Variants in PRTG observed in about 807,000 individuals in gnomAD.
PRTG encodes immunoglobulin superfamily, DCC subclass, member 5.
A neutral mutation model predicts 122.5 loss-of-function variants in PRTG; 67 were observed. The observed-to-expected ratio is 0.55, with a 90% confidence interval of 0.45 to 0.67. The LOEUF (loss-of-function observed/expected upper bound fraction) is 0.67, where lower values mean the gene tolerates loss of function less well. Ranked by LOEUF, PRTG falls within the 30% of genes least tolerant of loss-of-function variation. The pLI, the probability that PRTG is intolerant of heterozygous loss-of-function variation, is 0.00. For missense variants in PRTG, 1,435 were observed against 1,415.4 expected (o/e 1.01, Z -0.22); for synonymous variants, 554 against 501.1 (o/e 1.11, Z -1.41).
intron 11 of PRTG, among the ~76,000 whole-genome samples, chr15:55,656,645 C>T (rs2059381843): frequency 6.6e-6 from 1 of 152,138 alleles, no homozygotes; most frequent in Non-Finnish European, 1.5e-5. Context: ...GTAGCTGGGA[C>T]TACAGGCTCC....
In PRTG at chr15:55,715,009, A is replaced by T. The variant is rs113741217; in HGVS notation, c.397+25373T>A. The stretch of plus-strand genomic sequence containing the variant: ...ACTGAATACAATCAGAAAATATAAT[A>T]AATTACTTCTTTATTCAAACAAAAA... On this transcript the variant is annotated intron_variant, in intron 2 of 19. Transcript: ENST00000389286. Among the ~76,000 whole-genome samples, 476 of 152,310 alleles carry T rather than the reference A, an allele frequency of 3.1e-3. 4 individuals are homozygous for T. The highest frequency in any genetic ancestry group is 0.011 in the African/African-American group (460 of 41,578).
chr15:55,737,976 TTCTCTCTCTC>T (rs376933626), intron 2 of PRTG, among the ~76,000 whole-genome samples: 2 of 91,810 alleles, frequency 2.2e-5, no homozygotes, highest in Non-Finnish European at 2.0e-5. Flanking sequence ...TTAATGCCTA[TTCTCTCTCTC>T]TCTCTCTCTC....
intron 2 of PRTG, among the ~76,000 whole-genome samples, chr15:55,697,770 G>A (rs557476195): frequency 7.2e-5 from 11 of 152,296 alleles, no homozygotes; most frequent in Non-Finnish European, 1.2e-4. Flanking sequence ...GATTACAGGC[G>A]TGAGCCACCG....
chr15:55,652,484 G>T (rs1169265978), intron 11 of PRTG, among the ~76,000 whole-genome samples: 1 of 152,086 alleles, frequency 6.6e-6, no homozygotes, highest in Non-Finnish European at 1.5e-5. Flanking sequence ...GAGCTCCTTG[G>T]TCTGGCTAGC....
intron 17 of PRTG, among the ~76,000 whole-genome samples, chr15:55,625,454 TC>T (rs1255128282): frequency 4.0e-5 from 6 of 151,860 alleles, no homozygotes; most frequent in African/African-American, 1.5e-4. Context: ...AATTGTGTTT[TC>T]TTTTTTTTTT....
chr15:55,683,830 T>C lies in PRTG; in HGVS notation c.499A>G (p.Thr167Ala). ...KISSHPPAVITWEFNRTTLPM... is the reference protein window; with the variant it reads ...KISSHPPAVIAWEFNRTTLPM... The stretch of plus-strand genomic sequence containing the variant: ...AGAGTTGTCCGATTGAACTCCCATG[T>C]TATGACTGCAGGAGGGTGGGATGAA... Residue 167 changes from threonine (T) to alanine (A), a missense_variant, in exon 3 of 20, where the codon ACA becomes GCA. Transcript: ENST00000389286. 1.2e-6 allele frequency: 2 copies of C among 1,614,006 alleles called. No homozygotes were observed. Among genetic ancestry groups the C allele is most frequent in the Non-Finnish European group, 1.7e-6 (2 of 1,179,914 alleles).
chr15:55,631,716 T>C (rs2059228522), intron 15 of PRTG, among the ~76,000 whole-genome samples: 1 of 152,198 alleles, frequency 6.6e-6, no homozygotes, highest in African/African-American at 2.4e-5. Context: ...GCTGGTCAAA[T>C]CTCGTCATGT....
chr15:55,642,507 C>T (rs1169840958), intron 11 of PRTG, among the ~76,000 whole-genome samples: 2 of 148,486 alleles, frequency 1.3e-5, no homozygotes, highest in East Asian at 4.0e-4. Flanking sequence ...ATCCCAGCTA[C>T]TTGAGGAGAC....
intron 11 of PRTG, among the ~76,000 whole-genome samples, chr15:55,645,558 G>C (rs1348010936): frequency 6.6e-6 from 1 of 150,550 alleles, no homozygotes; most frequent in Non-Finnish European, 1.5e-5. Context: ...AGAATTAACA[G>C]AACTAAGGAT....
chr15:55,644,292 G>A (rs1567080977), intron 11 of PRTG, among the ~76,000 whole-genome samples: 1 of 152,056 alleles, frequency 6.6e-6, no homozygotes, highest in Non-Finnish European at 1.5e-5. Flanking sequence ...CTCCACAGGG[G>A]GCCAGATATG....
chr15:55,740,220 A>AT (rs1296651180), intron 2 of PRTG, among the ~76,000 whole-genome samples, 162 bp downstream of exon 2: 2 of 152,052 alleles, frequency 1.3e-5, no homozygotes, highest in Non-Finnish European at 2.9e-5. Flanking sequence ...TTATATACGT[A>AT]TTTTTTTCAG....
chr15:55,730,022 G>A (rs2031173499), intron 2 of PRTG, among the ~76,000 whole-genome samples: 1 of 152,206 alleles, frequency 6.6e-6, no homozygotes, highest in Non-Finnish European at 1.5e-5. Context: ...CCTTACACAA[G>A]TATAGTAGTA....
rs1409706639 is a variant in PRTG at position 55,613,540 on chromosome 15, T to C, written c.*6472A>G. On this transcript the variant is annotated 3_prime_UTR_variant, in exon 20 of 20. Transcript: ENST00000389286. ...TTTAGCTGAGATAAATGGAAGGTTT[T>C]GGAGGAGAGAAATTAGGAGATGATA... 6.6e-6 allele frequency: 1 copy of C among 152,044 alleles called. No homozygotes were observed. Among genetic ancestry groups the C allele is most frequent in the Non-Finnish European group, 1.5e-5 (1 of 67,958 alleles). The allele number at this position is 152,044 out of a possible 1,614,324, so 9.4% of individuals were successfully genotyped here.
intron 11 of PRTG, among the ~76,000 whole-genome samples, chr15:55,651,267 A>G (rs1267914659): frequency 6.6e-6 from 1 of 152,106 alleles, no homozygotes; most frequent in Admixed American, 6.5e-5. Context: ...CCCTGAATAA[A>G]TGGGAGATAT....
chr15:55,723,309 G>A (rs1330267592), intron 2 of PRTG, among the ~76,000 whole-genome samples: 1 of 150,728 alleles, frequency 6.6e-6, no homozygotes, highest in African/African-American at 2.4e-5. Flanking sequence ...AATTAATGGA[G>A]ACTGTAAGAT....
intron 2 of PRTG, among the ~76,000 whole-genome samples, chr15:55,715,509 G>A (rs1257237457): frequency 6.6e-6 from 1 of 152,204 alleles, no homozygotes; most frequent in Non-Finnish European, 1.5e-5. Context: ...TGAAGCATTT[G>A]CAAAAGTGAC....
At chr15:55,733,608 C>T (rs1347854650) in intron 2 of PRTG, among the ~76,000 whole-genome samples, 2 of 151,600 alleles carry the variant, frequency 1.3e-5, no homozygotes, top group Non-Finnish European at 2.9e-5. Context: ...GGGAGGAATG[C>T]TTGAGCCCAG....
At chr15:55,664,536 A>ATATAG (rs2059427754) in intron 11 of PRTG, among the ~76,000 whole-genome samples, 1 of 152,240 alleles carries the variant, frequency 6.6e-6, no homozygotes, top group African/African-American at 2.4e-5. Flanking sequence ...AAGTAGCTTT[A>ATATAG]TATAGTCATA....
chr15:55,700,200 A>G (rs940835191), intron 2 of PRTG, among the ~76,000 whole-genome samples: 3 of 152,340 alleles, frequency 2.0e-5, no homozygotes, highest in African/African-American at 7.2e-5. Flanking sequence ...GGAATTCAAT[A>G]GAGAAGGGAT....
Sources: gnomAD v4.1 joint callset for allele counts (sites outside exome capture counted in the v4.1 genomes callset) on GRCh38, gnomAD v4.1.1 for gene constraint, MANE v1.5 for transcripts, NCBI Gene and HGNC (gene_info 2026-07-23, HGNC 2026-07-21) for gene names.